NUBPL: variants seen among roughly 807,000 people sequenced by gnomAD.
NUBPL encodes iron-sulfur cluster transfer protein NUBPL.
Under a neutral mutation model 45.7 loss-of-function variants are expected in NUBPL, and 31 were observed. The observed-to-expected ratio is 0.68, with a 90% confidence interval of 0.51 to 0.92. NUBPL has a LOEUF of 0.92. Ranked by LOEUF, NUBPL falls within the 40% of genes least tolerant of loss-of-function variation. The pLI, the probability that NUBPL is intolerant of heterozygous loss-of-function variation, is 0.00. For synonymous variants in NUBPL, 144 were observed against 140.9 expected, an observed-to-expected ratio of 1.02 and a Z score of -0.15; for missense variants, 401 against 398.7, an observed-to-expected ratio of 1.01 and a Z score of -0.05.
intron 7 of NUBPL, among the ~76,000 whole-genome samples, chr14:31,826,420 C>T (rs2138967038): frequency 6.6e-6 from 1 of 152,146 alleles, no homozygotes; most frequent in Admixed American, 6.5e-5. Flanking sequence ...CGTGCCCGGC[C>T]CAGTTGTGAT....
At chr14:31,669,878 T>C (rs941539351) in intron 4 of NUBPL, among the ~76,000 whole-genome samples, 1 of 146,008 alleles carries the variant, frequency 6.8e-6, no homozygotes, top group Non-Finnish European at 1.5e-5. Context: ...AACCAGTCTG[T>C]CATTGATGGG....
At position 31,813,522 on chromosome 14, in the gene NUBPL, C is replaced by T. The variant is rs1424158774; in HGVS notation, c.608-13107C>T. 4.6e-5 allele frequency among the ~76,000 whole-genome samples: 7 copies of T among 150,634 alleles called. No homozygotes were observed. The Admixed American group carries it at 4.6e-4, about 10-fold the overall frequency. On this transcript the variant is annotated intron_variant, in intron 7 of 10. Transcript: ENST00000281081. ...ATATATACAGATATATATATATACA[C>T]ACACATACATCCATACACACACACA...
In NUBPL at chr14:31,706,916, G is replaced by C. The variant is rs550669633; in HGVS notation, c.513+33342G>C. On this transcript the variant is annotated intron_variant, in intron 6 of 10. Transcript: ENST00000281081. Reference sequence around the variant, plus strand: ...ATTCAGTCCATATTAACTTAAAATTGGTATAGATGGCTCCTTCCTGATTCT... The same window carrying C: ...ATTCAGTCCATATTAACTTAAAATTCGTATAGATGGCTCCTTCCTGATTCT... Among the ~76,000 whole-genome samples, 7 of 152,260 alleles carry C rather than the reference G, an allele frequency of 4.6e-5. No homozygotes were observed. In the South Asian group the frequency reaches 1.5e-3, roughly 32 times the overall value.
At chr14:31,627,175 G>T (rs2035225283) in intron 4 of NUBPL, among the ~76,000 whole-genome samples, 2 of 151,758 alleles carry the variant, frequency 1.3e-5, no homozygotes, top group African/African-American at 4.8e-5. Flanking sequence ...AATGTGGGAG[G>T]AAAAAAGGGA....
At chr14:31,775,332 C>G (rs1361715946) in intron 6 of NUBPL, among the ~76,000 whole-genome samples, 1 of 152,100 alleles carries the variant, frequency 6.6e-6, no homozygotes, top group Non-Finnish European at 1.5e-5. Context: ...GCAGGAGACT[C>G]GCTTCAACCT....
chr14:31,720,275 A>G (rs1337543929), intron 6 of NUBPL, among the ~76,000 whole-genome samples: 1 of 152,252 alleles, frequency 6.6e-6, no homozygotes, highest in East Asian at 1.9e-4. Flanking sequence ...CTGCAATAAT[A>G]ACGTGCATAG....
chr14:31,792,270 T>C (rs1049276047), intron 7 of NUBPL, among the ~76,000 whole-genome samples: 1 of 152,184 alleles, frequency 6.6e-6, no homozygotes, highest in Admixed American at 6.6e-5. Flanking sequence ...ATGCCTAAAT[T>C]TGTGCACCCC....
chr14:31,841,204 C>G (rs575453922), intron 8 of NUBPL, among the ~76,000 whole-genome samples: 7 of 152,148 alleles, frequency 4.6e-5, no homozygotes, highest in Admixed American at 4.6e-4. Flanking sequence ...TGATACATAA[C>G]TGGAAGTGGA....
intron 10 of NUBPL, among the ~76,000 whole-genome samples, chr14:31,850,964 C>T (rs901501527): frequency 1.3e-5 from 2 of 152,072 alleles, no homozygotes; most frequent in Admixed American, 6.6e-5. Flanking sequence ...ATAAATATAA[C>T]TGGGAAGGTG....
intron 6 of NUBPL, among the ~76,000 whole-genome samples, chr14:31,764,304 C>T (rs1566549453): frequency 1.3e-5 from 2 of 152,108 alleles, no homozygotes; most frequent in Non-Finnish European, 2.9e-5. Context: ...AGAGAGCAAA[C>T]TGAGATGATT....
chr14:31,847,170 T>G (rs892657393), intron 9 of NUBPL, among the ~76,000 whole-genome samples: 24 of 152,222 alleles, frequency 1.6e-4, no homozygotes, highest in Non-Finnish European at 2.5e-4. Context: ...TACTGTAATT[T>G]GAAGCCATAT....
At chr14:31,646,345 C>G (rs2035852442) in intron 4 of NUBPL, among the ~76,000 whole-genome samples, 1 of 152,082 alleles carries the variant, frequency 6.6e-6, no homozygotes, top group Non-Finnish European at 1.5e-5. Flanking sequence ...CGCCCCCACG[C>G]CTGGCTAATT....
chr14:31,751,548 C>A (rs1026318979), intron 6 of NUBPL, among the ~76,000 whole-genome samples: 1 of 152,246 alleles, frequency 6.6e-6, no homozygotes, highest in Non-Finnish European at 1.5e-5. Context: ...CATGCTGATG[C>A]AAGGGGTGGG....
intron 3 of NUBPL, among the ~76,000 whole-genome samples, chr14:31,575,580 A>T (rs755523481): frequency 6.6e-6 from 1 of 152,200 alleles, no homozygotes; most frequent in Non-Finnish European, 1.5e-5. Context: ...GTAAATATGG[A>T]TGAAAATATG....
At chr14:31,785,697 T>C (rs554347165) in intron 6 of NUBPL, among the ~76,000 whole-genome samples, 2 of 152,186 alleles carry the variant, frequency 1.3e-5, no homozygotes, top group Non-Finnish European at 2.9e-5. Context: ...CTTCACTAAA[T>C]TGTCAGTTCC....
Position 31,732,352 on chromosome 14 carries a change from C to T in NUBPL, c.514-55428C>T, listed in dbSNP as rs577669055. On this transcript the variant is annotated intron_variant, in intron 6 of 10. Coordinates refer to ENST00000281081, the MANE Select transcript of NUBPL (RefSeq NM_025152.3). The stretch of plus-strand genomic sequence containing the variant: ...CAAATCATTTAGCTAGCCTATATTT[C>T]AGAATCTTTTTTAAAAACACTTTTT... Among the ~76,000 whole-genome samples, 3 of 151,980 alleles carry T rather than the reference C, an allele frequency of 2.0e-5. No individual in the cohort carries two copies. In the South Asian group the frequency reaches 6.2e-4, roughly 32 times the overall value.
chr14:31,625,899 A>G (rs992715856), intron 4 of NUBPL, among the ~76,000 whole-genome samples: 3 of 152,192 alleles, frequency 2.0e-5, no homozygotes, highest in South Asian at 2.1e-4. Context: ...CAGTCTTTCT[A>G]TGATGTAGTC....
At chr14:31,662,251 A>G (rs2036287269) in intron 4 of NUBPL, 1 of 139,324 alleles carries the variant, frequency 7.2e-6, no homozygotes, top group Non-Finnish European at 1.5e-5. Context: ...TAAAATATGC[A>G]TTAAAATTAT....
chr14:31,588,571 C>T (rs1428725839), intron 3 of NUBPL, among the ~76,000 whole-genome samples: 7 of 152,048 alleles, frequency 4.6e-5, no homozygotes, highest in African/African-American at 1.7e-4. Flanking sequence ...CTTTTTCCTG[C>T]ATCCTACTAT....
Sources: gnomAD v4.1 joint callset for allele counts (sites outside exome capture counted in the v4.1 genomes callset) on GRCh38, gnomAD v4.1.1 for gene constraint, MANE v1.5 for transcripts, NCBI Gene and HGNC (gene_info 2026-07-23, HGNC 2026-07-21) for gene names.